PDE4D: variants seen among roughly 807,000 people sequenced by gnomAD.
PDE4D encodes 3',5'-cyclic-AMP phosphodiesterase 4D.
A neutral mutation model predicts 87.4 loss-of-function variants in PDE4D; 24 were observed. That is an observed-to-expected ratio of 0.27 (90% confidence interval 0.20 to 0.39). The LOEUF is 0.39. PDE4D is among the 10% of genes least tolerant of loss of function. The pLI is 1.00. For missense variants in PDE4D, 714 were observed against 1,041.0 expected (o/e 0.69, Z 4.32); for synonymous variants, 384 against 383.2 (o/e 1.00, Z -0.02).
At chr5:59,319,626 C>T (rs1254527545) in intron 1 of PDE4D, among the ~76,000 whole-genome samples, 1 of 152,136 alleles carries the variant, frequency 6.6e-6, no homozygotes, top group Non-Finnish European at 1.5e-5. Context: ...GAAATAACAA[C>T]AGAGTCTCTA....
chr5:59,552,447 A>G (rs1261563321), intron 1 of PDE4D, among the ~76,000 whole-genome samples: 1 of 152,156 alleles, frequency 6.6e-6, no homozygotes, highest in Non-Finnish European at 1.5e-5. Flanking sequence ...TTGTACTAGA[A>G]CAATAACTTG....
At chr5:59,667,351 G>A (rs749711623) in intron 1 of PDE4D, among the ~76,000 whole-genome samples, 2 of 151,870 alleles carry the variant, frequency 1.3e-5, no homozygotes, top group East Asian at 1.9e-4. Context: ...TCACTCTGTC[G>A]CTCAGGCTAG....
chr5:59,892,518 T>C (rs1751105874), intron 1 of PDE4D, among the ~76,000 whole-genome samples: 1 of 151,036 alleles, frequency 6.6e-6, no homozygotes, highest in Non-Finnish European at 1.5e-5. Flanking sequence ...CCCTTGTCTC[T>C]CTCAAGGATT....
chr5:59,909,847 T>TA (rs1753249146), intron 3 of PDE4D, among the ~76,000 whole-genome samples: 1 of 152,180 alleles, frequency 6.6e-6, no homozygotes, highest in African/African-American at 2.4e-5. Context: ...ATTCTCAGGA[T>TA]AAAATCCCAA....
At chr5:59,282,622 G>A (rs559346034) in intron 1 of PDE4D, among the ~76,000 whole-genome samples, 3 of 108,554 alleles carry the variant, frequency 2.8e-5, no homozygotes, top group South Asian at 2.9e-4. Flanking sequence ...CAACCTGGGC[G>A]ACAAGAGTGA....
rs79471978 is a variant in PDE4D, at chr5:59,716,303, C to A, written c.455+176865G>T. 4.5e-3 allele frequency among the ~76,000 whole-genome samples: 685 copies of A among 152,296 alleles called. 7 individuals carry two copies. The highest frequency in any genetic ancestry group is 0.016 in the African/African-American group (657 of 41,540). On this transcript the variant is annotated intron_variant, in intron 1 of 14. Transcript: ENST00000340635. ...CTGCTGACGCTGTACATACATCTTG[C>A]GCTCATGGCTCATGGCCAGAGAGAG...
intron 1 of PDE4D, among the ~76,000 whole-genome samples, chr5:59,432,253 G>A (rs904637412): frequency 7.1e-6 from 1 of 141,022 alleles, no homozygotes; most frequent in Non-Finnish European, 1.5e-5. Context: ...CTCATACTAT[G>A]TATAATCCTT....
At chr5:60,087,899 C>T (rs781662823) in intron 2 of PDE4D, among the ~76,000 whole-genome samples, 1 of 152,012 alleles carries the variant, frequency 6.6e-6, no homozygotes, top group Non-Finnish European at 1.5e-5. Context: ...GTGCAGGAAG[C>T]TCAAAGATAT....
At chr5:59,725,740 T>C (rs1756503730) in intron 1 of PDE4D, among the ~76,000 whole-genome samples, 2 of 152,160 alleles carry the variant, frequency 1.3e-5, no homozygotes, top group African/African-American at 2.4e-5. Context: ...TTCCTTCTCA[T>C]TGGGATCTCT....
chr5:60,461,160 T>A (rs1746907082), intron 1 of PDE4D, among the ~76,000 whole-genome samples: 1 of 152,200 alleles, frequency 6.6e-6, no homozygotes, highest in African/African-American at 2.4e-5. Flanking sequence ...GAAAATAACA[T>A]TATTTTCCCT....
intron 5 of PDE4D, among the ~76,000 whole-genome samples, chr5:59,101,941 A>G (rs1193815276): frequency 6.6e-6 from 1 of 152,128 alleles, no homozygotes; most frequent in East Asian, 1.9e-4. Context: ...TTGTTTAACA[A>G]ACATACCAGG....
chr5:59,621,266 G>C (rs749183915), intron 1 of PDE4D, among the ~76,000 whole-genome samples: 3 of 152,150 alleles, frequency 2.0e-5, no homozygotes, highest in Non-Finnish European at 4.4e-5. Context: ...GTCTATTCCA[G>C]AGGTTGTATA....
intron 1 of PDE4D, among the ~76,000 whole-genome samples, chr5:60,250,245 T>C (rs1233503115): frequency 6.6e-6 from 1 of 151,984 alleles, no homozygotes; most frequent in Non-Finnish European, 1.5e-5. Flanking sequence ...TGAAGGTTTT[T>C]TTTAATATTT....
intron 5 of PDE4D, among the ~76,000 whole-genome samples, chr5:59,149,888 T>G (rs1779234479): frequency 6.6e-6 from 1 of 152,086 alleles, no homozygotes; most frequent in African/African-American, 2.4e-5. Flanking sequence ...TAAGCACTTA[T>G]TTGAAAGTCT....
intron 1 of PDE4D, among the ~76,000 whole-genome samples, chr5:59,721,954 C>T (rs915840671): frequency 6.6e-6 from 1 of 152,108 alleles, no homozygotes; most frequent in Admixed American, 6.6e-5. Context: ...ATCACAGCCT[C>T]GACATCTGTG....
chr5:59,487,419 GA>G (rs1385752548), intron 1 of PDE4D, among the ~76,000 whole-genome samples: 1 of 152,106 alleles, frequency 6.6e-6, no homozygotes, highest in Non-Finnish European at 1.5e-5. Context: ...GGTAAAACTT[GA>G]AAATACTGAC....
chr5:59,454,743 G>C (rs1384578853), intron 1 of PDE4D, among the ~76,000 whole-genome samples: 3 of 152,198 alleles, frequency 2.0e-5, no homozygotes, highest in African/African-American at 7.2e-5. Context: ...ACTTCCTAGA[G>C]ACATGTTGAG....
At chr5:59,087,805 C>A (rs975250313) in intron 5 of PDE4D, among the ~76,000 whole-genome samples, 2 of 152,218 alleles carry the variant, frequency 1.3e-5, no homozygotes, top group African/African-American at 4.8e-5. Context: ...GAACTATTGA[C>A]CCCCAACCTT....
At chr5:60,314,762 T>G (rs1006716638) in intron 1 of PDE4D, among the ~76,000 whole-genome samples, 1 of 152,158 alleles carries the variant, frequency 6.6e-6, no homozygotes, top group African/African-American at 2.4e-5. Flanking sequence ...TTGTGATAGT[T>G]TGCTGAGAAT....
Sources: allele counts gnomAD v4.1 joint callset (sites outside exome capture counted in the v4.1 genomes callset), GRCh38; gene constraint gnomAD v4.1.1; transcripts MANE v1.5; gene names NCBI Gene and HGNC (gene_info 2026-07-23, HGNC 2026-07-21).